The following ELL2 variants were observed in gnomAD, a reference collection of about 807,000 sequenced individuals.
ELL2 encodes the protein RNA polymerase II elongation factor ELL2.
ELL2 carries 21 observed loss-of-function variants against 72.8 expected under a neutral mutation model. The observed-to-expected ratio is 0.29, with a 90% CI of 0.20 to 0.42. The LOEUF (loss-of-function observed/expected upper bound fraction) is 0.42. Ranked by LOEUF, ELL2 falls within the 10% of genes least tolerant of loss-of-function variation. The pLI, the probability that ELL2 is intolerant of heterozygous loss-of-function variation, is 1.00. For missense variants in ELL2, 568 were observed against 772.8 expected (o/e 0.73, Z 3.14); for synonymous variants, 266 against 283.2 (o/e 0.94, Z 0.61).
At chr5:95,954,548 A>C (rs1580541358) in intron 1 of ELL2, among the ~76,000 whole-genome samples, 1 of 145,074 alleles carries the variant, frequency 6.9e-6, no homozygotes, top group East Asian at 2.0e-4. Context: ...CTGGGACTAC[A>C]GGCGCCTGCC....
chr5:95,896,802 C>G (rs910910665), intron 8 of ELL2, among the ~76,000 whole-genome samples: 14 of 152,190 alleles, frequency 9.2e-5, no homozygotes, highest in Admixed American at 5.9e-4. Context: ...GAGACTAAGT[C>G]TGCTTCTCCA....
intron 2 of ELL2, among the ~76,000 whole-genome samples, chr5:95,931,726 C>T (rs772642228): frequency 7.3e-6 from 1 of 137,160 alleles, no homozygotes; most frequent in African/African-American, 2.8e-5. Context: ...CCATGGAAGG[C>T]TGAAAAATTA....
chr5:95,905,281 A>G (rs1035943818), intron 5 of ELL2, among the ~76,000 whole-genome samples: 6 of 152,086 alleles, frequency 3.9e-5, no homozygotes, highest in African/African-American at 1.2e-4. Context: ...TTAGATATCT[A>G]TATGTATATA....
At position 95,898,786 on chromosome 5, in the gene ELL2, T is replaced by A; in HGVS notation, c.979A>T (p.Ile327Phe). The stretch of plus-strand genomic sequence containing the variant: ...GCTTTTTTATTCATTAAAGGATCAA[T>A]AAACTCTGAATCCAAAAGCCGTTTC... ...PQKRLLDSEF[I>F]DPLMNKKARI... is the part of the protein sequence containing the mutation. The change falls in exon 8 of 12, where the codon ATT becomes TTT. Residue 327 changes from isoleucine to phenylalanine, a missense_variant. Around this residue, in one of 2 missense-constraint regions of ELL2, gnomAD observed 511 missense variants for 728.4 expected, o/e 0.70. Coordinates refer to ENST00000237853, the MANE Select transcript of ELL2 (RefSeq NM_012081.6). 2 of 1,511,190 alleles carry A rather than the reference T, an allele frequency of 1.3e-6. No homozygotes were observed. The highest frequency in any genetic ancestry group is 1.8e-6 in the Non-Finnish European group (2 of 1,130,686). The allele number at this position is 1,511,190 out of a possible 1,614,324, so 93.6% of individuals were successfully genotyped here.
chr5:95,961,135 G>A (rs1751830571), intron 1 of ELL2, among the ~76,000 whole-genome samples: 2 of 152,104 alleles, frequency 1.3e-5, no homozygotes, highest in South Asian at 4.1e-4. Flanking sequence ...CTATGTAACT[G>A]GAAAACGCGG....
intron 2 of ELL2, among the ~76,000 whole-genome samples, chr5:95,927,400 T>TGTGTATATATAGACACAC (rs1750341148): frequency 6.8e-5 from 2 of 29,462 alleles, no homozygotes; most frequent in Admixed American, 2.7e-4. Flanking sequence ...TATATAGACA[T>TGTGTATATATAGACACAC]ACACACACGT....
chr5:95,960,425 AT>A (rs941310478), intron 1 of ELL2, among the ~76,000 whole-genome samples: 1 of 147,132 alleles, frequency 6.8e-6, no homozygotes, highest in East Asian at 2.0e-4. Flanking sequence ...TGTCTCTCCC[AT>A]TTTTTTTCCA....
chr5:95,893,646 C>A (rs979101612), intron 9 of ELL2, among the ~76,000 whole-genome samples: 1 of 152,072 alleles, frequency 6.6e-6, no homozygotes, highest in African/African-American at 2.4e-5. Flanking sequence ...CGGCCTCCCA[C>A]AGTGCTGGGA....
At chr5:95,954,561 C>T (rs992945163) in intron 1 of ELL2, among the ~76,000 whole-genome samples, 5 of 149,556 alleles carry the variant, frequency 3.3e-5, no homozygotes, top group African/African-American at 1.2e-4. Context: ...CGCCTGCCAC[C>T]ACGCCTGGCT....
At chr5:95,927,991 G>C (rs1750457714) in intron 2 of ELL2, among the ~76,000 whole-genome samples, 1 of 151,628 alleles carries the variant, frequency 6.6e-6, no homozygotes, top group South Asian at 2.1e-4. Context: ...GTTTTCTTAT[G>C]ATTCATTTTT....
intron 1 of ELL2, among the ~76,000 whole-genome samples, chr5:95,945,942 T>G (rs967557470): frequency 3.3e-5 from 5 of 152,220 alleles, no homozygotes; most frequent in Non-Finnish European, 5.9e-5. Context: ...GTTTCAGACC[T>G]CAGGATGACT....
chr5:95,899,759 A>G (rs527690614), intron 7 of ELL2, among the ~76,000 whole-genome samples: 1 of 152,322 alleles, frequency 6.6e-6, no homozygotes, highest in African/African-American at 2.4e-5. Flanking sequence ...CTAGTATATA[A>G]TTTGATCAGA....
At chr5:95,936,610 G>C (rs749922715) in intron 2 of ELL2, among the ~76,000 whole-genome samples, 5 of 152,036 alleles carry the variant, frequency 3.3e-5, no homozygotes, top group Non-Finnish European at 2.9e-5. Context: ...TAGGGAGACC[G>C]TGTCTCTTCA....
chr5:95,929,557 G>A (rs1006671301), intron 2 of ELL2, among the ~76,000 whole-genome samples: 9 of 151,876 alleles, frequency 5.9e-5, no homozygotes, highest in African/African-American at 1.2e-4. Flanking sequence ...GCGCCCAGCC[G>A]GTCTTACCCA....
At chr5:95,901,550 G>T (rs952700349) in intron 5 of ELL2, among the ~76,000 whole-genome samples, 1 of 132,886 alleles carries the variant, frequency 7.5e-6, no homozygotes, top group African/African-American at 3.3e-5. Context: ...ATTAGGCATG[G>T]TAAGAGATTA....
intron 2 of ELL2, among the ~76,000 whole-genome samples, chr5:95,935,251 G>C (rs1750731685): frequency 6.6e-6 from 1 of 152,092 alleles, no homozygotes; most frequent in South Asian, 2.1e-4. Context: ...TCTTCTGCCT[G>C]CTTAGAGTTA....
chr5:95,911,486 C>T (rs569080107), intron 4 of ELL2, among the ~76,000 whole-genome samples: 25 of 152,238 alleles, frequency 1.6e-4, no homozygotes, highest in South Asian at 8.3e-4. Context: ...TACAGGTGCA[C>T]GCCATCATGC....
intron 9 of ELL2, 47 bp from the exon 10 acceptor site, chr5:95,891,321 A>G (rs759279405): frequency 1.9e-6 from 3 of 1,549,800 alleles, no homozygotes; most frequent in Non-Finnish European, 2.6e-6. Flanking sequence ...AATAAACATG[A>G]TTGCACAAGT....
At chr5:95,893,674 C>A (rs772793091) in intron 9 of ELL2, among the ~76,000 whole-genome samples, 9 of 152,144 alleles carry the variant, frequency 5.9e-5, no homozygotes, top group African/African-American at 2.2e-4. Context: ...CGTGAGCCAC[C>A]GCGCCCGGCC....
Sources: gnomAD v4.1 joint callset for allele counts (sites outside exome capture counted in the v4.1 genomes callset) on GRCh38, gnomAD v4.1.1 for gene constraint, gnomAD v4.1.1 regional missense constraint, MANE v1.5 for transcripts, NCBI Gene and HGNC (gene_info 2026-07-23, HGNC 2026-07-21) for gene names.